TENM2: variants seen among roughly 807,000 people sequenced by gnomAD.
The protein encoded by TENM2 is teneurin transmembrane protein 2.
Under a neutral mutation model 245.2 loss-of-function variants are expected in TENM2, and 52 were observed. The observed-to-expected ratio is 0.21, with a 90% CI of 0.17 to 0.27. The LOEUF (loss-of-function observed/expected upper bound fraction) is 0.27, where lower values mean the gene tolerates loss of function less well. Ranked by LOEUF, TENM2 falls within the 10% of genes least tolerant of loss-of-function variation. TENM2 has a pLI of 1.00. For missense variants in TENM2, 3,046 were observed against 3,666.8 expected, an observed-to-expected ratio of 0.83 and a Z score of 4.37; for synonymous variants, 1,363 against 1,438.9, an observed-to-expected ratio of 0.95 and a Z score of 1.19.
the TENM2 span, among the ~76,000 whole-genome samples, chr5:167,272,149 C>T: frequency 6.6e-6 from 1 of 152,118 alleles, no homozygotes; most frequent in Non-Finnish European, 1.5e-5. Context: ...GCTTCATCCC[C>T]TATCTCAGCT....
intron 2 of TENM2, among the ~76,000 whole-genome samples, chr5:167,471,684 G>A (rs534127897): frequency 9.2e-5 from 14 of 152,212 alleles, no homozygotes; most frequent in Non-Finnish European, 2.1e-4. Context: ...TAATACGAAT[G>A]TGTCCTATGA....
chr5:167,902,599 C>T (rs897274124), intron 3 of TENM2, among the ~76,000 whole-genome samples: 2 of 152,080 alleles, frequency 1.3e-5, no homozygotes, highest in East Asian at 3.9e-4. Flanking sequence ...ACTGATAAGA[C>T]GGTTGTAAAA....
the TENM2 span, among the ~76,000 whole-genome samples, chr5:167,054,565 A>G: frequency 6.6e-6 from 1 of 152,112 alleles, no homozygotes; most frequent in South Asian, 2.1e-4. Flanking sequence ...TGAGTGTTGA[A>G]TCATATGGTA....
the TENM2 span, among the ~76,000 whole-genome samples, chr5:167,245,343 A>G: frequency 6.6e-6 from 1 of 152,202 alleles, no homozygotes; most frequent in Non-Finnish European, 1.5e-5. Flanking sequence ...AATGTGGCAT[A>G]GTATTTTAGT....
intron 2 of TENM2, among the ~76,000 whole-genome samples, chr5:167,814,543 A>G (rs1281404527): frequency 6.6e-6 from 1 of 151,496 alleles, no homozygotes; most frequent in African/African-American, 2.4e-5. Flanking sequence ...GTATTTCCAA[A>G]TGCATATATG....
chr5:167,744,339 C>A (rs952777117), intron 2 of TENM2, among the ~76,000 whole-genome samples: 5 of 152,096 alleles, frequency 3.3e-5, no homozygotes, highest in African/African-American at 1.2e-4. Flanking sequence ...CATCTCTTAC[C>A]CACACAGTCT....
intron 2 of TENM2, among the ~76,000 whole-genome samples, chr5:167,862,914 T>C (rs549242505): frequency 6.6e-6 from 1 of 152,180 alleles, no homozygotes; most frequent in African/African-American, 2.4e-5. Flanking sequence ...GCAGACTGTC[T>C]AGTCATCTTG....
the TENM2 span, among the ~76,000 whole-genome samples, chr5:167,017,941 A>G: frequency 1.3e-5 from 2 of 152,218 alleles, no homozygotes; most frequent in Non-Finnish European, 2.9e-5. Flanking sequence ...AGAAAAGGAA[A>G]TAGGAAAATG....
At chr5:166,986,645 A>G in the TENM2 span, among the ~76,000 whole-genome samples, 1 of 152,192 alleles carries the variant, frequency 6.6e-6, no homozygotes, top group Admixed American at 6.5e-5. Flanking sequence ...CTACTGTTGA[A>G]CTTGAGACAT....
At chr5:168,009,169 G>A (rs980378193) in intron 5 of TENM2, among the ~76,000 whole-genome samples, 1 of 152,124 alleles carries the variant, frequency 6.6e-6, no homozygotes, top group African/African-American at 2.4e-5. Flanking sequence ...CCACCCTCCG[G>A]GACTTGAAGG....
the TENM2 span, among the ~76,000 whole-genome samples, chr5:167,253,344 C>G: frequency 1.3e-5 from 2 of 151,470 alleles, no homozygotes; most frequent in Admixed American, 1.3e-4. Context: ...AAGATCCACC[C>G]ACCTCGGCCT....
At chr5:167,648,112 C>G (rs1051664675) in intron 2 of TENM2, among the ~76,000 whole-genome samples, 1 of 152,140 alleles carries the variant, frequency 6.6e-6, no homozygotes, top group African/African-American at 2.4e-5. Context: ...CCGAACTAAT[C>G]AAGTGCATTT....
intron 2 of TENM2, among the ~76,000 whole-genome samples, chr5:167,671,564 G>T (rs1162361868): frequency 6.6e-6 from 1 of 151,956 alleles, no homozygotes; most frequent in Non-Finnish European, 1.5e-5. Flanking sequence ...TAAGAACCAT[G>T]AAACCAGACT....
At chr5:168,054,047 G>A (rs751229902) in intron 6 of TENM2, among the ~76,000 whole-genome samples, 3 of 152,188 alleles carry the variant, frequency 2.0e-5, no homozygotes, top group Non-Finnish European at 2.9e-5. Flanking sequence ...ATTAATGCAG[G>A]AGCAAGTTCA....
intron 2 of TENM2, among the ~76,000 whole-genome samples, chr5:167,850,457 A>G (rs887145585): frequency 6.6e-6 from 1 of 152,196 alleles, no homozygotes; most frequent in Non-Finnish European, 1.5e-5. Context: ...ACTTAGGTGT[A>G]CTAGAACAGA....
At chr5:167,765,102 T>C (rs1383150297) in intron 2 of TENM2, among the ~76,000 whole-genome samples, 1 of 152,080 alleles carries the variant, frequency 6.6e-6, no homozygotes, top group East Asian at 1.9e-4. Context: ...CAGAAAGTTA[T>C]TCAAATTGAG....
intron 15 of TENM2, among the ~76,000 whole-genome samples, chr5:168,197,699 CAAAA>C (rs71593165): frequency 3.6e-5 from 3 of 83,690 alleles, no homozygotes; most frequent in Admixed American, 1.4e-4. Context: ...GACTCCATCC[CAAAA>C]AAAAAAAAAA....
the TENM2 span, among the ~76,000 whole-genome samples, chr5:167,181,435 CTGTT>C: frequency 2.6e-4 from 35 of 132,574 alleles, 1 homozygote; most frequent in African/African-American, 1.0e-3. Context: ...TCTCAGTTCT[CTGTT>C]TTTTTTTTTC....
At chr5:167,099,522 C>A in the TENM2 span, among the ~76,000 whole-genome samples, 1 of 152,018 alleles carries the variant, frequency 6.6e-6, no homozygotes, top group Non-Finnish European at 1.5e-5. Flanking sequence ...ATGGTGAAAC[C>A]CTGTCTCTAC....
Sources: gnomAD v4.1 joint callset for allele counts (sites outside exome capture counted in the v4.1 genomes callset) on GRCh38, gnomAD v4.1.1 for gene constraint, MANE v1.5 for transcripts, NCBI Gene and HGNC (gene_info 2026-07-23, HGNC 2026-07-21) for gene names.